Variants in EEFSEC observed in about 807,000 individuals in gnomAD.
The protein encoded by EEFSEC is selenocysteine-specific elongation factor.
Under a neutral mutation model 42.1 loss-of-function variants are expected in EEFSEC, and 43 were observed. The observed-to-expected ratio is 1.02, with a 90% CI of 0.80 to 1.32. The LOEUF is 1.32. Ranked by LOEUF, EEFSEC falls within the 40% of genes most tolerant of loss-of-function variation. The pLI, the probability that EEFSEC is intolerant of heterozygous loss-of-function variation, is 0.00. For synonymous variants in EEFSEC, 354 were observed against 339.1 expected (o/e 1.04, Z -0.48); for missense variants, 745 against 803.6 (o/e 0.93, Z 0.88).
chr3:128,386,966 A>G (rs1320985646), intron 6 of EEFSEC, among the ~76,000 whole-genome samples: 1 of 152,226 alleles, frequency 6.6e-6, no homozygotes, highest in Non-Finnish European at 1.5e-5. Context: ...ACCACATCAT[A>G]TGCTGGCCTC....
intron 4 of EEFSEC, among the ~76,000 whole-genome samples, chr3:128,296,466 C>T (rs926471243): frequency 6.6e-6 from 1 of 152,166 alleles, no homozygotes; most frequent in Non-Finnish European, 1.5e-5. Context: ...CCTTGCTTTT[C>T]TCTGTAGCCT....
At chr3:128,316,249 G>C (rs2066943383) in intron 4 of EEFSEC, among the ~76,000 whole-genome samples, 1 of 152,156 alleles carries the variant, frequency 6.6e-6, no homozygotes, top group South Asian at 2.1e-4. Flanking sequence ...CCCAGAGAAA[G>C]CCAGTGTTAA....
chr3:128,243,851 T>C (rs2107892667), intron 1 of EEFSEC, among the ~76,000 whole-genome samples: 1 of 152,300 alleles, frequency 6.6e-6, no homozygotes, highest in East Asian at 1.9e-4. Flanking sequence ...GTTAAGAACC[T>C]GGGCACCAGG....
chr3:128,356,240 G>T lies in EEFSEC; in HGVS notation c.1444-1977G>T, dbSNP rs546006546. Among the ~76,000 whole-genome samples the T allele has an allele frequency of 7.2e-5, 11 of 152,312 alleles. No homozygotes were observed. The East Asian group carries it at 2.1e-3, about 29-fold the overall frequency. ...ATATTATCCCTTTGGTCCTGGTGGGGCCTCTTACAAGCTGTTTCTCTGAGA... is the reference window on the plus strand; with the variant it reads ...ATATTATCCCTTTGGTCCTGGTGGGTCCTCTTACAAGCTGTTTCTCTGAGA... On this transcript the variant is annotated intron_variant, in intron 5 of 6. Transcript: ENST00000254730.
chr3:128,310,631 T>C (rs1295289062), intron 4 of EEFSEC, among the ~76,000 whole-genome samples: 2 of 152,250 alleles, frequency 1.3e-5, no homozygotes, highest in Non-Finnish European at 2.9e-5. Flanking sequence ...CATGACCCAA[T>C]GCACATGCAG....
chr3:128,186,812 T>C (rs1362998257), intron 1 of EEFSEC, among the ~76,000 whole-genome samples: 2 of 152,216 alleles, frequency 1.3e-5, no homozygotes, highest in Non-Finnish European at 2.9e-5. Flanking sequence ...TTTAAAGTTC[T>C]AAATTCTGAA....
Position 128,389,968 on chromosome 3 carries a change from A to T in EEFSEC, c.1601-18101A>T, listed in dbSNP as rs74567221. Among the ~76,000 whole-genome samples, 125 of 152,322 alleles carry T rather than the reference A, an allele frequency of 8.2e-4. 2 individuals carry two copies. In the East Asian group the frequency reaches 0.022, roughly 27 times the overall value. ...TGGCTGAGTTGGCAGCGCCCGTAAGATGCTGTGGATTTGGATTTGGGTCCT... is the reference window on the plus strand; with the variant it reads ...TGGCTGAGTTGGCAGCGCCCGTAAGTTGCTGTGGATTTGGATTTGGGTCCT... On this transcript the variant is annotated intron_variant, in intron 6 of 6. Transcript: ENST00000254730.
chr3:128,359,339 C>T (rs1232868710), intron 6 of EEFSEC, among the ~76,000 whole-genome samples: 2 of 152,104 alleles, frequency 1.3e-5, no homozygotes, highest in Admixed American at 6.5e-5. Context: ...CGCTGGGGAC[C>T]GTGGGAAGGA....
chr3:128,280,715 G>A (rs998159228), intron 4 of EEFSEC, among the ~76,000 whole-genome samples: 1 of 152,182 alleles, frequency 6.6e-6, no homozygotes, highest in African/African-American at 2.4e-5. Flanking sequence ...GCTGGGGCTC[G>A]CACAGCAAGC....
chr3:128,265,049 G>C (rs1408565295), intron 4 of EEFSEC, among the ~76,000 whole-genome samples: 1 of 152,174 alleles, frequency 6.6e-6, no homozygotes, highest in Admixed American at 6.5e-5. Flanking sequence ...TCCCAAGTAG[G>C]TCTTCTGTGT....
At chr3:128,314,845 T>C (rs1200636990) in intron 4 of EEFSEC, among the ~76,000 whole-genome samples, 1 of 152,158 alleles carries the variant, frequency 6.6e-6, no homozygotes, top group Non-Finnish European at 1.5e-5. Flanking sequence ...GAACCACTGC[T>C]CCAGTGGGAT....
At chr3:128,189,383 A>G (rs559986286) in intron 1 of EEFSEC, among the ~76,000 whole-genome samples, 2 of 152,330 alleles carry the variant, frequency 1.3e-5, no homozygotes, top group African/African-American at 4.8e-5. Context: ...TGGTAACATC[A>G]TAGAGCAGGT....
chr3:128,179,458 A>G (rs754368553), intron 1 of EEFSEC, among the ~76,000 whole-genome samples: 3 of 152,244 alleles, frequency 2.0e-5, no homozygotes, highest in Non-Finnish European at 4.4e-5. Context: ...TGGAGCAGAT[A>G]ATATTTGAGT....
intron 6 of EEFSEC, among the ~76,000 whole-genome samples, chr3:128,387,772 TGC>T (rs2067859588): frequency 6.6e-6 from 1 of 151,940 alleles, no homozygotes; most frequent in Non-Finnish European, 1.5e-5. Context: ...TATGGAGTCC[TGC>T]GCGCATATGG....
chr3:128,419,707 C>T, the EEFSEC span, among the ~76,000 whole-genome samples: 6 of 152,154 alleles, frequency 3.9e-5, no homozygotes, highest in South Asian at 2.1e-4. Flanking sequence ...AGAGCCACAC[C>T]GGCACCTCCT....
intron 2 of EEFSEC, among the ~76,000 whole-genome samples, chr3:128,249,341 CT>C (rs1429501444): frequency 6.6e-6 from 1 of 152,174 alleles, no homozygotes; most frequent in Non-Finnish European, 1.5e-5. Context: ...GCTGCTGGCA[CT>C]TTTGGATTTT....
chr3:128,407,448 G>T (rs577190886), intron 6 of EEFSEC, among the ~76,000 whole-genome samples: 3 of 152,202 alleles, frequency 2.0e-5, no homozygotes, highest in African/African-American at 4.8e-5. Flanking sequence ...TGAGAATGGC[G>T]TGGGGCAGGG....
At chr3:128,376,979 G>C (rs2067717188) in intron 6 of EEFSEC, among the ~76,000 whole-genome samples, 1 of 152,074 alleles carries the variant, frequency 6.6e-6, no homozygotes, top group Non-Finnish European at 1.5e-5. Context: ...TCTCACTCAG[G>C]GGTCATGGCC....
intron 1 of EEFSEC, among the ~76,000 whole-genome samples, chr3:128,193,374 C>G (rs890640357): frequency 1.3e-5 from 2 of 152,200 alleles, no homozygotes; most frequent in East Asian, 1.9e-4. Context: ...GGGTGTTGCT[C>G]TCTGCAGAGC....
Sources: allele counts gnomAD v4.1 joint callset (sites outside exome capture counted in the v4.1 genomes callset), GRCh38; gene constraint gnomAD v4.1.1; transcripts MANE v1.5; gene names NCBI Gene and HGNC (gene_info 2026-07-23, HGNC 2026-07-21).